Variants in C12orf42 observed in about 807,000 individuals in gnomAD.
The protein encoded by C12orf42 is uncharacterized protein C12orf42.
In C12orf42, 25 loss-of-function variants were observed where a neutral mutation model predicts 21.6. The ratio of observed to expected loss-of-function variants is 1.16; its 90% CI spans 0.84 to 1.62. The LOEUF is 1.62. Ranked by LOEUF, C12orf42 falls within the 40% of genes most tolerant of loss-of-function variation. The pLI, the probability that C12orf42 is intolerant of heterozygous loss-of-function variation, is 0.00. For synonymous variants in C12orf42, 174 were observed against 175.0 expected, an observed-to-expected ratio of 0.99 and a Z score of 0.05; for missense variants, 483 against 459.3, an observed-to-expected ratio of 1.05 and a Z score of -0.47.
rs200329790 is a variant in C12orf42, at chr12:103,302,346, G to A, written c.845C>T (p.Pro282Leu). ...PVGKGAVAMAPEMLPKHPHTP... is the reference protein window; with the variant it reads ...PVGKGAVAMALEMLPKHPHTP... ...ATGAGGATGCTTGGGGAGCATCTCC[G>A]GCGCCATGGCAACCGCGCCTTTTCC... The change falls in exon 6 of 6, where the codon CCG (proline) becomes CTG (leucine). Residue 282 changes from proline to leucine, a missense_variant. Coordinates refer to ENST00000548883, the MANE Select transcript of C12orf42 (RefSeq NM_198521.5). 539 of 1,613,832 alleles carry A rather than the reference G, an allele frequency of 3.3e-4. No homozygotes were observed. Among genetic ancestry groups the A allele is most frequent in the Non-Finnish European group, 3.7e-4 (434 of 1,179,884 alleles).
chr12:103,133,155 C>T, the C12orf42 span, among the ~76,000 whole-genome samples: 1 of 152,158 alleles, frequency 6.6e-6, no homozygotes, highest in Non-Finnish European at 1.5e-5. Flanking sequence ...GCTCATCCAA[C>T]CTGCTACTAC....
At chr12:103,308,662 G>C (rs201409461) in intron 4 of C12orf42, among the ~76,000 whole-genome samples, 9 of 152,318 alleles carry the variant, frequency 5.9e-5, no homozygotes, top group African/African-American at 2.2e-4. Flanking sequence ...TTGCAGGAAG[G>C]CATTGGGCCT....
At chr12:103,413,587 C>T (rs563969276) in intron 2 of C12orf42, among the ~76,000 whole-genome samples, 2 of 152,118 alleles carry the variant, frequency 1.3e-5, no homozygotes, top group African/African-American at 4.8e-5. Context: ...ATTACCTGAG[C>T]AGTGTGCACC....
chr12:103,222,446 G>A, the C12orf42 span, among the ~76,000 whole-genome samples: 1 of 152,156 alleles, frequency 6.6e-6, no homozygotes, highest in Non-Finnish European at 1.5e-5. Flanking sequence ...AATGTCATCA[G>A]TTAAGGTGGG....
At chr12:103,421,120 T>C (rs1014861604) in intron 2 of C12orf42, among the ~76,000 whole-genome samples, 1 of 152,188 alleles carries the variant, frequency 6.6e-6, no homozygotes, top group African/African-American at 2.4e-5. Context: ...GTCTTACTCA[T>C]CTTTGCAACT....
At chr12:103,070,017 G>A in the C12orf42 span, among the ~76,000 whole-genome samples, 1 of 152,078 alleles carries the variant, frequency 6.6e-6, no homozygotes, top group African/African-American at 2.4e-5. Flanking sequence ...GCTAACACCT[G>A]GGGTGCTTAC....
In C12orf42 at chr12:103,488,234, T is replaced by C. The variant is rs533049728; in HGVS notation, c.-22+7668A>G. 3.7e-3 allele frequency among the ~76,000 whole-genome samples: 567 copies of C among 152,326 alleles called. 2 individuals are homozygous for C. The highest frequency in any genetic ancestry group is 0.013 in the African/African-American group (547 of 41,570). On this transcript the variant is annotated intron_variant, in intron 1 of 5. Transcript: ENST00000548883. ...TTATGAAGCTTAGTTTGGCTGGATA[T>C]GAAATTCTGGGTTGAAAATTCTTTA...
chr12:103,434,307 G>T (rs1408897551), intron 2 of C12orf42, among the ~76,000 whole-genome samples: 1 of 152,148 alleles, frequency 6.6e-6, no homozygotes, highest in East Asian at 1.9e-4. Flanking sequence ...TGGGTCACAT[G>T]CCTGCCCTTG....
chr12:103,552,338 G>A, the C12orf42 span, among the ~76,000 whole-genome samples: 1 of 152,090 alleles, frequency 6.6e-6, no homozygotes, highest in Non-Finnish European at 1.5e-5. Context: ...AACTCCTTGA[G>A]TTTTCCCTTT....
At chr12:103,425,586 G>T (rs889383982) in intron 2 of C12orf42, among the ~76,000 whole-genome samples, 1 of 152,212 alleles carries the variant, frequency 6.6e-6, no homozygotes, top group Non-Finnish European at 1.5e-5. Context: ...CAGACCTGCA[G>T]CAGAGGGGCC....
the C12orf42 span, among the ~76,000 whole-genome samples, chr12:103,089,599 T>C: frequency 1.4e-5 from 2 of 148,082 alleles, no homozygotes; most frequent in African/African-American, 2.5e-5. Flanking sequence ...GTAGAGATTT[T>C]ATTAAGAGGG....
intron 2 of C12orf42, among the ~76,000 whole-genome samples, chr12:103,416,926 T>C (rs1351825263): frequency 6.6e-6 from 1 of 152,186 alleles, no homozygotes; most frequent in Non-Finnish European, 1.5e-5. Flanking sequence ...GCAAGGAGAA[T>C]GGATTGATGT....
intron 2 of C12orf42, among the ~76,000 whole-genome samples, chr12:103,462,933 C>T (rs1199161500): frequency 6.6e-6 from 1 of 152,102 alleles, no homozygotes; most frequent in African/African-American, 2.4e-5. Context: ...TGGAACTACC[C>T]CTGGTAGGTT....
chr12:103,547,095 T>C, the C12orf42 span, among the ~76,000 whole-genome samples: 2 of 152,222 alleles, frequency 1.3e-5, no homozygotes, highest in East Asian at 1.9e-4. Flanking sequence ...AATAAATGTA[T>C]GTATGCTTTT....
the C12orf42 span, among the ~76,000 whole-genome samples, chr12:103,208,259 G>A: frequency 6.7e-4 from 102 of 152,284 alleles, no homozygotes; most frequent in Middle Eastern, 3.4e-3. Flanking sequence ...CTGGGACTTA[G>A]ACAAAGCTAA....
chr12:103,466,570 ACT>A (rs34012304), intron 2 of C12orf42, among the ~76,000 whole-genome samples: 55 of 150,362 alleles, frequency 3.7e-4, no homozygotes, highest in African/African-American at 1.2e-3. Flanking sequence ...TCTCTCCCTG[ACT>A]CTCTCTCTCT....
intron 4 of C12orf42, among the ~76,000 whole-genome samples, chr12:103,292,484 C>G (rs2036886510): frequency 6.6e-6 from 1 of 151,478 alleles, no homozygotes; most frequent in South Asian, 2.1e-4. Flanking sequence ...AAAAAGAAGA[C>G]CAAAAAGAAA....
At chr12:103,122,058 G>A in the C12orf42 span, among the ~76,000 whole-genome samples, 4 of 152,302 alleles carry the variant, frequency 2.6e-5, no homozygotes, top group East Asian at 7.7e-4. Context: ...AAACAGCAGT[G>A]CAAAAAGTAT....
chr12:103,344,294 G>C (rs1593526012), intron 4 of C12orf42, among the ~76,000 whole-genome samples: 2 of 152,156 alleles, frequency 1.3e-5, no homozygotes, highest in African/African-American at 4.8e-5. Flanking sequence ...GGTGCAAAGA[G>C]GACAGCTGCT....
Sources: gnomAD v4.1 joint callset for allele counts (sites outside exome capture counted in the v4.1 genomes callset) on GRCh38, gnomAD v4.1.1 for gene constraint, MANE v1.5 for transcripts, NCBI Gene and HGNC (gene_info 2026-07-23, HGNC 2026-07-21) for gene names.